Variants in KLHL22 observed in about 807,000 individuals in gnomAD.
KLHL22 encodes kelch-like protein 22.
A neutral mutation model predicts 60.7 loss-of-function variants in KLHL22; 18 were observed. The observed-to-expected ratio is 0.30, with a 90% CI of 0.20 to 0.44. KLHL22 has a LOEUF of 0.44. Among genes scored for constraint, KLHL22 ranks in the 20% least tolerant of loss-of-function variants. The pLI, the probability that KLHL22 is intolerant of heterozygous loss-of-function variation, is 1.00. For synonymous variants in KLHL22, 355 were observed against 354.5 expected (o/e 1.00, Z -0.01); for missense variants, 596 against 852.3 (o/e 0.70, Z 3.74).
At chr22:20,480,284 T>C (rs1438869940) in intron 2 of KLHL22, among the ~76,000 whole-genome samples, 3 of 152,204 alleles carry the variant, frequency 2.0e-5, no homozygotes, top group Non-Finnish European at 4.4e-5. Flanking sequence ...TTCGTAATAA[T>C]GTGAATAATC....
In KLHL22 at chr22:20,464,646, T is replaced by A. The variant is rs183365495; in HGVS notation, c.1112+212A>T. ...CCAGGGTAAGTGGGTTTCTGAGGAGTAGGGGACATGCAGGAAAGAAGGCGA... is the reference window on the plus strand; with the variant it reads ...CCAGGGTAAGTGGGTTTCTGAGGAGAAGGGGACATGCAGGAAAGAAGGCGA... On this transcript the variant is annotated intron_variant, in intron 4 of 6. Transcript: ENST00000328879. Among the ~76,000 whole-genome samples, 189 of 152,050 alleles carry A rather than the reference T, an allele frequency of 1.2e-3. 1 individual carries two copies. Among genetic ancestry groups the A allele is most frequent in the Non-Finnish European group, 2.4e-3 (164 of 67,968 alleles).
At position 20,471,741 on chromosome 22, in the gene KLHL22, T is replaced by G. The variant is rs75403755; in HGVS notation, c.228-226A>C. Reference sequence around the variant, plus strand: ...TCCTGGAAATTGTCCTGTTTCCCTTTTCATGGGCCCAAGGAGTCCCATGTG... The same window carrying G: ...TCCTGGAAATTGTCCTGTTTCCCTTGTCATGGGCCCAAGGAGTCCCATGTG... On this transcript the variant is annotated intron_variant, in intron 2 of 6. Transcript: ENST00000328879. Among the ~76,000 whole-genome samples, 579 of 152,292 alleles carry G rather than the reference T, an allele frequency of 3.8e-3. 5 individuals carry two copies. Among genetic ancestry groups the G allele is most frequent in the African/African-American group, 0.013 (540 of 41,572 alleles).
intron 6 of KLHL22, among the ~76,000 whole-genome samples, chr22:20,443,473 G>A (rs1158471545): frequency 6.6e-6 from 1 of 152,208 alleles, no homozygotes; most frequent in East Asian, 1.9e-4. Flanking sequence ...GGGCGTGGTG[G>A]CTCACGCCTG....
rs1331938398 is a variant in KLHL22, at chr22:20,443,722, C to T, written c.1540-1284G>A. On this transcript the variant is annotated intron_variant, in intron 6 of 6. Transcript: ENST00000328879. The stretch of plus-strand genomic sequence containing the variant: ...ACTGCACTCCAGCCTGGCGACAGAG[C>T]GAGACTCTGTCTCAAACAAACAAAC... Among the ~76,000 whole-genome samples, 4 of 145,794 alleles carry T rather than the reference C, an allele frequency of 2.7e-5. 1 individual carries two copies. The highest frequency in any genetic ancestry group is 2.6e-5 in the African/African-American group (1 of 38,970).
intron 4 of KLHL22, among the ~76,000 whole-genome samples, chr22:20,461,680 C>T (rs1270153445): frequency 6.6e-6 from 1 of 151,028 alleles, no homozygotes; most frequent in Non-Finnish European, 1.5e-5. Context: ...ATGTACTGAC[C>T]GGGCACGGTG....
intron 2 of KLHL22, among the ~76,000 whole-genome samples, chr22:20,475,804 C>T (rs755738518): frequency 5.9e-5 from 9 of 152,114 alleles, no homozygotes; most frequent in Non-Finnish European, 1.2e-4. Context: ...CCTTGTAATC[C>T]GCCTGCCTTG....
At chr22:20,494,571 G>A (rs1439483089) in intron 1 of KLHL22, among the ~76,000 whole-genome samples, 1 of 152,070 alleles carries the variant, frequency 6.6e-6, no homozygotes, top group African/African-American at 2.4e-5. Flanking sequence ...AGTAGAGACG[G>A]GGTTTCACCA....
At chr22:20,452,345 G>C (rs181538257) in intron 5 of KLHL22, among the ~76,000 whole-genome samples, 3 of 152,150 alleles carry the variant, frequency 2.0e-5, no homozygotes, top group Non-Finnish European at 4.4e-5. Flanking sequence ...AAACAAAAGG[G>C]AGAGCCCCAC....
At chr22:20,494,856 T>G (rs889175064) in intron 1 of KLHL22, among the ~76,000 whole-genome samples, 1 of 152,220 alleles carries the variant, frequency 6.6e-6, no homozygotes, top group Non-Finnish European at 1.5e-5. Context: ...AGAGGAACTT[T>G]CAGTTCGGTA....
rs1399393057 is a variant in KLHL22 at position 20,457,930 on chromosome 22, A to T, written c.1183T>A (p.Cys395Ser). ...GCGTAGATGTACCTGCCTACAACAC[A>T]CACGGACAGGTCGGCGTGCTCCTGC... ...LQQEHADLSV[C>S]VVGRYIYAVA... The change falls in exon 5 of 7, where the codon TGT (cysteine) becomes AGT (serine). Residue 395 changes from cysteine (C) to serine (S), a missense_variant. Physicochemically the swap from Cys to Ser is moderately radical, Grantham distance 112. Coordinates refer to ENST00000328879, the MANE Select transcript of KLHL22 (RefSeq NM_032775.4). 1 of 1,614,172 alleles carries T rather than the reference A, an allele frequency of 6.2e-7. No homozygotes were observed. The highest frequency in any genetic ancestry group is 1.1e-5 in the South Asian group (1 of 91,080).
intron 2 of KLHL22, among the ~76,000 whole-genome samples, chr22:20,480,244 T>C (rs1569142052): frequency 1.3e-5 from 2 of 152,126 alleles, no homozygotes; most frequent in Admixed American, 6.6e-5. Flanking sequence ...AGTTTCAGAT[T>C]TGTAAGATAA....
At chr22:20,487,554 C>CA (rs2053606500) in intron 2 of KLHL22, among the ~76,000 whole-genome samples, 1 of 151,812 alleles carries the variant, frequency 6.6e-6, no homozygotes, top group Non-Finnish European at 1.5e-5. Context: ...ACACACACAC[C>CA]CCCCTGTGAA....
chr22:20,462,034 G>A (rs1473473474), intron 4 of KLHL22, among the ~76,000 whole-genome samples: 1 of 152,086 alleles, frequency 6.6e-6, no homozygotes, highest in Non-Finnish European at 1.5e-5. Flanking sequence ...AGAGGCGGAG[G>A]TTGTGGTGAG....
rs745352594 is a variant in KLHL22 at position 20,442,313 on chromosome 22, G to C, written c.1665C>G (p.Asn555Lys). 5 of 1,614,008 alleles carry C rather than the reference G, an allele frequency of 3.1e-6. No individual in the cohort carries two copies. In the South Asian group the frequency reaches 5.5e-5, roughly 18 times the overall value. ...RIYVLGGRSH[N>K]RGSRTGYVHI... Reference sequence around the variant, plus strand: ...GCACGTAGCCTGTGCGGCTGCCGCGGTTGTGTGAGCGGCCACCTAACACAT... The same window carrying C: ...GCACGTAGCCTGTGCGGCTGCCGCGCTTGTGTGAGCGGCCACCTAACACAT... The change falls in exon 7 of 7, where the codon AAC (asparagine) becomes AAG (lysine). Residue 555 changes from asparagine to lysine, a missense_variant. By Grantham distance (94) the Asn-to-Lys change is moderately conservative. Transcript: ENST00000328879.
intron 2 of KLHL22, among the ~76,000 whole-genome samples, chr22:20,477,057 G>A (rs1270525170): frequency 8.6e-5 from 13 of 151,758 alleles, no homozygotes; most frequent in Non-Finnish European, 1.8e-4. Context: ...TAATCCTTTC[G>A]GGGGCCAAGG....
chr22:20,488,680 A>ACGGG, intron 2 of KLHL22: 6 of 412,364 alleles, frequency 1.5e-5, no homozygotes, highest in Non-Finnish European at 1.8e-5. Flanking sequence ...GAGGAATGGT[A>ACGGG]AGGGAGGGGA....
At chr22:20,471,546 T>C in intron 2 of KLHL22, 31 bp from the exon 3 acceptor site, 1 of 1,607,002 alleles carries the variant, frequency 6.2e-7, no homozygotes, top group Non-Finnish European at 8.5e-7. Context: ...AAAATGGAGT[T>C]ATACCAACAG....
At chr22:20,483,662 G>C (rs181515931) in intron 2 of KLHL22, 1 of 728,504 alleles carries the variant, frequency 1.4e-6, no homozygotes, top group East Asian at 2.6e-5. Flanking sequence ...AGAAAGATAC[G>C]GGCGTTGTCC....
intron 4 of KLHL22, among the ~76,000 whole-genome samples, chr22:20,462,106 A>G (rs1601345330): frequency 6.6e-6 from 1 of 151,130 alleles, no homozygotes; most frequent in East Asian, 2.0e-4. Flanking sequence ...TCTCAAAACA[A>G]AAAAACAAAA....
Sources: gnomAD v4.1 joint callset for allele counts (sites outside exome capture counted in the v4.1 genomes callset) on GRCh38, gnomAD v4.1.1 for gene constraint, MANE v1.5 for transcripts, NCBI Gene and HGNC (gene_info 2026-07-23, HGNC 2026-07-21) for gene names.